Variants in DAB1 observed in about 807,000 individuals in gnomAD.
DAB1 encodes the protein disabled homolog 1.
In DAB1, 15 loss-of-function variants were observed where a neutral mutation model predicts 64.6. The observed-to-expected ratio is 0.23, with a 90% confidence interval of 0.16 to 0.36. The LOEUF is 0.36. DAB1 is among the 10% of genes least tolerant of loss of function. The pLI is 1.00. For missense variants in DAB1, 596 were observed against 706.7 expected, an observed-to-expected ratio of 0.84 and a Z score of 1.78; for synonymous variants, 235 against 251.9, an observed-to-expected ratio of 0.93 and a Z score of 0.64.
intron 5 of DAB1, among the ~76,000 whole-genome samples, chr1:58,099,749 C>T (rs972629104): frequency 2.0e-5 from 3 of 152,128 alleles, no homozygotes; most frequent in African/African-American, 7.2e-5. Context: ...GTATTAATAT[C>T]CCTCTTATAT....
chr1:58,226,578 G>T (rs1659496845), intron 4 of DAB1, among the ~76,000 whole-genome samples: 1 of 152,032 alleles, frequency 6.6e-6, no homozygotes, highest in Admixed American at 6.6e-5. Flanking sequence ...CAGAGCAGCT[G>T]GAATGAAATG....
At chr1:57,700,881 CT>C (rs1490709007) in intron 6 of DAB1, among the ~76,000 whole-genome samples, 2 of 152,082 alleles carry the variant, frequency 1.3e-5, no homozygotes, top group Admixed American at 6.6e-5. Context: ...ATTCTGCTTT[CT>C]TTTTTTCCTC....
intron 6 of DAB1, among the ~76,000 whole-genome samples, chr1:57,774,876 C>A (rs1649721473): frequency 6.6e-6 from 1 of 151,662 alleles, no homozygotes; most frequent in African/African-American, 2.4e-5. Context: ...ATAGAATTTG[C>A]TAATGAGGCC....
intron 1 of DAB1, among the ~76,000 whole-genome samples, chr1:57,397,161 G>A (rs960491786): frequency 6.6e-6 from 1 of 152,120 alleles, no homozygotes; most frequent in African/African-American, 2.4e-5. Flanking sequence ...ATTTGGGAAA[G>A]AAAACACATT....
At chr1:57,125,594 T>C (rs1657063480) in intron 4 of DAB1, among the ~76,000 whole-genome samples, 1 of 152,172 alleles carries the variant, frequency 6.6e-6, no homozygotes, top group Non-Finnish European at 1.5e-5. Context: ...GCAAGTTAGA[T>C]GGATGGGTAA....
intron 2 of DAB1, among the ~76,000 whole-genome samples, chr1:57,193,577 G>A (rs573385): frequency 0.32 from 48,049 of 151,408 alleles, 8,489 homozygotes; most frequent in Middle Eastern, 0.46. Context: ...TAGTAGAGAC[G>A]GGGTTTCACC....
upstream of DAB1, among the ~76,000 whole-genome samples, chr1:57,428,954 C>T (rs1485558413): frequency 2.0e-5 from 3 of 150,496 alleles, no homozygotes; most frequent in Non-Finnish European, 3.0e-5. Flanking sequence ...ACTCTGTCAC[C>T]CATTCTGGAG....
intron 9 of DAB1, among the ~76,000 whole-genome samples, chr1:57,058,026 A>T (rs1650010474): frequency 6.6e-6 from 1 of 152,186 alleles, no homozygotes; most frequent in Admixed American, 6.5e-5. Context: ...CCCAGGAGGA[A>T]AAATCCAACC....
intron 3 of DAB1, among the ~76,000 whole-genome samples, chr1:58,450,806 CA>C (rs1428328889): frequency 2.0e-5 from 3 of 152,162 alleles, no homozygotes; most frequent in Non-Finnish European, 4.4e-5. Flanking sequence ...AGAAATGTGG[CA>C]GACAAGTCTG....
intron 5 of DAB1, among the ~76,000 whole-genome samples, chr1:57,907,269 A>G (rs948928029): frequency 6.6e-6 from 1 of 152,216 alleles, no homozygotes; most frequent in African/African-American, 2.4e-5. Context: ...AGGAGGCTGC[A>G]CACAGCATAG....
intron 5 of DAB1, among the ~76,000 whole-genome samples, chr1:58,111,649 A>G (rs964168941): frequency 1.3e-5 from 2 of 152,068 alleles, no homozygotes; most frequent in Non-Finnish European, 2.9e-5. Context: ...TACCACAGTA[A>G]GTCCTGTTCT....
chr1:57,015,426 C>A lies in DAB1; in HGVS notation c.901G>T (p.Val301Phe). Residue 301 changes from valine (V) to phenylalanine (F), a missense_variant, in exon 12 of 15, where the codon GTT (valine) becomes TTT (phenylalanine). Around this residue, in one of 3 missense-constraint regions of DAB1, gnomAD observed 377 missense variants for 400.4 expected, o/e 0.94. Transcript: ENST00000371236. ...FGTAAVPSGY[V>F]AMGAVLPSFW... ...GACGGGAGGACAGCGCCCATTGCAACGTAACCTGGGAGAATGAAAAAGGAG... is the reference window on the plus strand; with the variant it reads ...GACGGGAGGACAGCGCCCATTGCAAAGTAACCTGGGAGAATGAAAAAGGAG... 6.2e-7 allele frequency: 1 copy of A among 1,604,944 alleles called. No homozygotes were observed. Among genetic ancestry groups the A allele is most frequent in the Admixed American group, 1.7e-5 (1 of 58,846 alleles).
chr1:57,747,591 C>A (rs1255693713), intron 6 of DAB1, among the ~76,000 whole-genome samples: 1 of 151,806 alleles, frequency 6.6e-6, no homozygotes, highest in Admixed American at 6.6e-5. Context: ...GGGTGGATCA[C>A]AAGGTCAGGA....
chr1:58,074,163 T>C (rs565736336), intron 5 of DAB1, among the ~76,000 whole-genome samples: 1 of 152,122 alleles, frequency 6.6e-6, no homozygotes, highest in Non-Finnish European at 1.5e-5. Flanking sequence ...GGTTGCTGTT[T>C]AGCTGACTTC....
intron 4 of DAB1, among the ~76,000 whole-genome samples, chr1:57,103,596 G>A (rs956959467): frequency 6.6e-6 from 1 of 151,992 alleles, no homozygotes; most frequent in African/African-American, 2.4e-5. Flanking sequence ...GAGAAGCCCA[G>A]GCATGCTGGG....
chr1:58,223,726 T>C (rs532595349), intron 4 of DAB1, among the ~76,000 whole-genome samples: 18 of 152,282 alleles, frequency 1.2e-4, no homozygotes, highest in Non-Finnish European at 1.6e-4. Flanking sequence ...CTTACACATC[T>C]GACAGCAAAG....
intron 7 of DAB1, among the ~76,000 whole-genome samples, chr1:57,595,295 T>C (rs1393639037): frequency 6.6e-6 from 1 of 152,064 alleles, no homozygotes; most frequent in Non-Finnish European, 1.5e-5. Context: ...TTTTTTGGAA[T>C]AATTATTTAG....
chr1:58,373,462 G>A (rs1644289959), intron 3 of DAB1, among the ~76,000 whole-genome samples: 2 of 150,886 alleles, frequency 1.3e-5, no homozygotes, highest in Non-Finnish European at 3.0e-5. Context: ...TGAGAATGAT[G>A]GTTTCCAACT....
Position 57,750,929 on chromosome 1 carries a change from A to T in DAB1, n.552-101264T>A, listed in dbSNP as rs563114847. Among the ~76,000 whole-genome samples, 5 of 152,330 alleles carry T rather than the reference A, an allele frequency of 3.3e-5. No homozygotes were observed. In the South Asian group the frequency reaches 1.0e-3, roughly 32 times the overall value. On this transcript the variant is annotated intron_variant and non_coding_transcript_variant, in intron 6 of 20. Coordinates refer to the DAB1 transcript ENST00000485760. ...CTCATTTACTGATGTCAGAAGTCTC[A>T]GGACTCTAGGGCTGCTTTTAACATT...
Sources: gnomAD v4.1 joint callset for allele counts (sites outside exome capture counted in the v4.1 genomes callset) on GRCh38, gnomAD v4.1.1 for gene constraint, gnomAD v4.1.1 regional missense constraint, MANE v1.5 for transcripts, NCBI Gene and HGNC (gene_info 2026-07-23, HGNC 2026-07-21) for gene names.